The following TRABD2B variants were observed in gnomAD, a reference collection of about 807,000 sequenced individuals.
TRABD2B encodes metalloprotease TIKI2.
TRABD2B carries 14 observed loss-of-function variants against 40.1 expected under a neutral mutation model. That is an observed-to-expected ratio of 0.35 (90% CI 0.23 to 0.55). The LOEUF is 0.55. Among genes scored for constraint, TRABD2B ranks in the 20% least tolerant of loss-of-function variants. The probability of loss-of-function intolerance (pLI) is 0.90; values close to 1 mark genes in which losing one functional copy is unlikely to be tolerated. For synonymous variants in TRABD2B, 263 were observed against 277.0 expected (o/e 0.95, Z 0.50); for missense variants, 541 against 648.6 (o/e 0.83, Z 1.80).
chr1:47,996,868 G>A lies in TRABD2B; in HGVS notation c.-79C>T. 1 of 1,149,708 alleles carries A rather than the reference G, an allele frequency of 8.7e-7. No homozygotes were observed. Among genetic ancestry groups the A allele is most frequent in the Non-Finnish European group, 1.1e-6 (1 of 935,854 alleles). 71.2% of individuals were successfully genotyped at this position (1,149,708 alleles called of 1,614,324 possible). On this transcript the variant is annotated 5_prime_UTR_variant, in exon 1 of 7. Transcript: ENST00000606738. This position sits in a 1 kb window ranked among gnomAD's most constrained non-coding sequence, Gnocchi z 4.6. ...GGGCGGGGAGCCCCCAGTTGGGCACGGAGTTTCCTCTGGAGCACGGGGCTC... is the reference window on the plus strand; with the variant it reads ...GGGCGGGGAGCCCCCAGTTGGGCACAGAGTTTCCTCTGGAGCACGGGGCTC...
At chr1:47,899,025 T>C (rs550018077) in intron 2 of TRABD2B, among the ~76,000 whole-genome samples, 70 of 152,340 alleles carry the variant, frequency 4.6e-4, no homozygotes, top group African/African-American at 1.6e-3. Flanking sequence ...GAGAAGGCCT[T>C]ACATCCATAT....
chr1:47,863,703 T>C (rs1303032633), intron 2 of TRABD2B, among the ~76,000 whole-genome samples: 2 of 152,034 alleles, frequency 1.3e-5, no homozygotes, highest in Non-Finnish European at 2.9e-5. Flanking sequence ...TCTTACAAAA[T>C]TAAACACACT....
chr1:47,767,354 G>A (rs552401137), intron 6 of TRABD2B, among the ~76,000 whole-genome samples: 29 of 152,308 alleles, frequency 1.9e-4, no homozygotes, highest in Admixed American at 1.4e-3. Flanking sequence ...AGGGCCTCCC[G>A]GAAGCAGGGA....
At chr1:47,950,993 G>C (rs1645334821) in intron 2 of TRABD2B, among the ~76,000 whole-genome samples, 2 of 152,208 alleles carry the variant, frequency 1.3e-5, no homozygotes, top group African/African-American at 4.8e-5. Flanking sequence ...GCCCCACACA[G>C]AGCAGGCCTT....
rs116289046 is a variant in TRABD2B, at chr1:47,940,995, A to G, written c.666+53039T>C. Among the ~76,000 whole-genome samples the G allele has an allele frequency of 5.8e-3, 884 of 152,200 alleles. 10 individuals carry two copies. The highest frequency in any genetic ancestry group is 0.019 in the African/African-American group (780 of 41,522). ...CATATGAATGACACTCTCCACCCACACTTACCCACTCCCGACTGGCTGGCT... is the reference window on the plus strand; with the variant it reads ...CATATGAATGACACTCTCCACCCACGCTTACCCACTCCCGACTGGCTGGCT... On this transcript the variant is annotated intron_variant, in intron 2 of 6. Coordinates refer to ENST00000606738, the MANE Select transcript of TRABD2B (RefSeq NM_001194986.2).
intron 2 of TRABD2B, among the ~76,000 whole-genome samples, chr1:47,812,827 A>C (rs1163898791): frequency 6.6e-6 from 1 of 152,210 alleles, no homozygotes; most frequent in Non-Finnish European, 1.5e-5. Context: ...GAAGACATTC[A>C]GTAGTGGAGG....
intron 2 of TRABD2B, among the ~76,000 whole-genome samples, chr1:47,977,693 A>C (rs77961110): frequency 0.043 from 6,521 of 151,552 alleles, 482 homozygotes; most frequent in African/African-American, 0.15. Flanking sequence ...AAAAAAAAAA[A>C]AACACACAGG....
At chr1:47,959,454 ATAGT>A (rs1371216515) in intron 2 of TRABD2B, among the ~76,000 whole-genome samples, 2 of 152,234 alleles carry the variant, frequency 1.3e-5, no homozygotes, top group Non-Finnish European at 2.9e-5. Flanking sequence ...AACAAAGTTG[ATAGT>A]TAGCAAGACT....
At chr1:47,931,277 A>G (rs902351044) in intron 2 of TRABD2B, among the ~76,000 whole-genome samples, 8 of 152,210 alleles carry the variant, frequency 5.3e-5, no homozygotes, top group Admixed American at 5.2e-4. Context: ...AGATTGTTCT[A>G]GAGCAGGAAG....
At chr1:47,972,739 A>C (rs1645699396) in intron 2 of TRABD2B, among the ~76,000 whole-genome samples, 1 of 152,156 alleles carries the variant, frequency 6.6e-6, no homozygotes, top group African/African-American at 2.4e-5. Context: ...TTTGACCCTC[A>C]TGGTAGTCAA....
intron 2 of TRABD2B, among the ~76,000 whole-genome samples, chr1:47,987,159 G>C (rs993102439): frequency 6.6e-6 from 1 of 152,110 alleles, no homozygotes; most frequent in South Asian, 2.1e-4. Context: ...TGCTTTGCCG[G>C]TCAGGTTTTC....
At chr1:47,864,926 G>A (rs564233757) in intron 2 of TRABD2B, among the ~76,000 whole-genome samples, 1 of 151,698 alleles carries the variant, frequency 6.6e-6, no homozygotes, top group South Asian at 2.1e-4. Context: ...ACCCTGCCCT[G>A]GATGAGTAGA....
chr1:47,852,330 G>A (rs570648533), intron 2 of TRABD2B, among the ~76,000 whole-genome samples: 1 of 152,322 alleles, frequency 6.6e-6, no homozygotes, highest in East Asian at 1.9e-4. Flanking sequence ...CTTTGTTGCT[G>A]TTGGAGGCTA....
intron 5 of TRABD2B, among the ~76,000 whole-genome samples, chr1:47,777,226 G>A (rs945201701): frequency 8.5e-5 from 13 of 152,210 alleles, no homozygotes; most frequent in African/African-American, 2.9e-4. Context: ...GCTGGGGTGA[G>A]GGGAGAGGAG....
chr1:47,794,873 C>T (rs1644726765), intron 3 of TRABD2B, 113 bp from the exon 4 acceptor site: 1 of 1,026,846 alleles, frequency 9.7e-7, no homozygotes, highest in African/African-American at 1.7e-5. Context: ...CCTCAACTCT[C>T]TGGCTCAAGC....
rs560182051 is a variant in TRABD2B at position 47,792,238 on chromosome 1, C to T, written c.988+2348G>A. 2.6e-5 allele frequency among the ~76,000 whole-genome samples: 4 copies of T among 152,334 alleles called. No individual in the cohort carries two copies. The South Asian group carries it at 8.3e-4, about 32-fold the overall frequency. On this transcript the variant is annotated intron_variant, in intron 4 of 6. Coordinates refer to ENST00000606738, the MANE Select transcript of TRABD2B (RefSeq NM_001194986.2). ...ATAAATTCACCAGCCCAGAGGAGAA[C>T]AGGATGGGAGACCCTGGTCAACGTT...
At chr1:47,923,779 A>C (rs1644933162) in intron 2 of TRABD2B, among the ~76,000 whole-genome samples, 1 of 152,184 alleles carries the variant, frequency 6.6e-6, no homozygotes, top group African/African-American at 2.4e-5. Flanking sequence ...TTCTGCCAGC[A>C]GATAACCTTG....
chr1:47,779,654 G>A (rs1318644206), intron 4 of TRABD2B, among the ~76,000 whole-genome samples: 1 of 152,124 alleles, frequency 6.6e-6, no homozygotes, highest in East Asian at 1.9e-4. Flanking sequence ...CTGCCTCGGG[G>A]GCCTCAGTCT....
chr1:47,957,784 T>C (rs1164773806), intron 2 of TRABD2B, among the ~76,000 whole-genome samples: 2 of 152,230 alleles, frequency 1.3e-5, no homozygotes, highest in South Asian at 2.1e-4. Context: ...GAAAACACTC[T>C]GCAGGATATT....
Sources: gnomAD v4.1 joint callset for allele counts (sites outside exome capture counted in the v4.1 genomes callset) on GRCh38, gnomAD v4.1.1 for gene constraint, Gnocchi (gnomAD v3.1) non-coding constraint, MANE v1.5 for transcripts, NCBI Gene and HGNC (gene_info 2026-07-23, HGNC 2026-07-21) for gene names.